KCTD3: variants seen among roughly 807,000 people sequenced by gnomAD.
KCTD3 encodes the protein potassium channel tetramerization domain containing 3, also known as BTB/POZ domain-containing protein KCTD3.
A neutral mutation model predicts 85.8 loss-of-function variants in KCTD3; 41 were observed. The observed-to-expected ratio is 0.48, with a 90% CI of 0.37 to 0.62. The LOEUF is 0.62. Among genes scored for constraint, KCTD3 ranks in the 20% least tolerant of loss-of-function variants. The pLI is 0.00. For synonymous variants in KCTD3, 338 were observed against 345.4 expected, an observed-to-expected ratio of 0.98 and a Z score of 0.24; for missense variants, 724 against 989.9, an observed-to-expected ratio of 0.73 and a Z score of 3.60.
chr1:215,615,082 A>G (rs900886224), intron 15 of KCTD3, among the ~76,000 whole-genome samples: 1 of 152,208 alleles, frequency 6.6e-6, no homozygotes, highest in Non-Finnish European at 1.5e-5. Flanking sequence ...TCTGCATAAT[A>G]AAACAAATTT....
At chr1:215,580,737 A>G (rs1338404021) in intron 8 of KCTD3, among the ~76,000 whole-genome samples, 3 of 152,146 alleles carry the variant, frequency 2.0e-5, no homozygotes, top group African/African-American at 4.8e-5. Context: ...TACATAAACT[A>G]TTTGTTTATC....
In KCTD3 at chr1:215,573,771, G is replaced by A. The variant is rs1659462422; in HGVS notation, c.84-15G>A. ...CATGTTCTCACTTATAATACCAGATGATTTTTAATTGCAGATTTAGTACCT... is the reference window on the plus strand; with the variant it reads ...CATGTTCTCACTTATAATACCAGATAATTTTTAATTGCAGATTTAGTACCT... On this transcript the variant is annotated splice_polypyrimidine_tract_variant and intron_variant, in intron 1 of 17. Coordinates refer to ENST00000259154, the MANE Select transcript of KCTD3 (RefSeq NM_016121.5). The A allele has an allele frequency of 6.6e-7, 1 of 1,515,114 alleles. No homozygotes were observed. Among genetic ancestry groups the A allele is most frequent in the Non-Finnish European group, 9.0e-7 (1 of 1,105,428 alleles). 93.9% of individuals were successfully genotyped at this position (1,515,114 alleles called of 1,614,324 possible). A position where few individuals can be genotyped will look rare whatever the true frequency, so the allele number is the denominator to read the frequency against.
chr1:215,605,402 C>T (rs59417960), intron 13 of KCTD3, among the ~76,000 whole-genome samples: 3,858 of 152,216 alleles, frequency 0.025, 156 homozygotes, highest in African/African-American at 0.087. Flanking sequence ...CCCTGCCCCA[C>T]TGAGGAGTTT....
intron 10 of KCTD3, among the ~76,000 whole-genome samples, chr1:215,600,114 G>A (rs1173676993): frequency 6.6e-6 from 1 of 152,052 alleles, no homozygotes; most frequent in African/African-American, 2.4e-5. Context: ...TCACTGAAAA[G>A]TACTCAATGT....
chr1:215,596,319 G>C (rs1660415316), intron 10 of KCTD3, among the ~76,000 whole-genome samples: 1 of 152,070 alleles, frequency 6.6e-6, no homozygotes, highest in African/African-American at 2.4e-5. Context: ...CCCTATGGTT[G>C]TTCAAGTGTA....
At chr1:215,599,885 T>C (rs1279292390) in intron 10 of KCTD3, among the ~76,000 whole-genome samples, 1 of 150,392 alleles carries the variant, frequency 6.6e-6, no homozygotes, top group African/African-American at 2.5e-5. Context: ...CCTGCTGCTC[T>C]TTCATTGAAA....
intron 9 of KCTD3, among the ~76,000 whole-genome samples, chr1:215,594,389 G>T (rs968689970): frequency 1.3e-5 from 2 of 152,148 alleles, no homozygotes; most frequent in Non-Finnish European, 2.9e-5. Flanking sequence ...GCATTGCTGG[G>T]TCTTTTGCTA....
chr1:215,609,548 A>G (rs186772760), intron 14 of KCTD3, among the ~76,000 whole-genome samples: 12 of 152,022 alleles, frequency 7.9e-5, no homozygotes, highest in African/African-American at 2.6e-4. Context: ...GATATATATA[A>G]TTCATCTTTC....
chr1:215,573,494 T>C (rs1300756691), intron 1 of KCTD3, among the ~76,000 whole-genome samples: 2 of 152,292 alleles, frequency 1.3e-5, no homozygotes, highest in East Asian at 3.9e-4. Context: ...CTTGGTGTGA[T>C]GGGCTAATTG....
intron 14 of KCTD3, among the ~76,000 whole-genome samples, chr1:215,610,615 T>C (rs57397989): frequency 0.033 from 5,062 of 152,054 alleles, 200 homozygotes; most frequent in African/African-American, 0.094. Flanking sequence ...TGAATGAGGA[T>C]TGTCATTTCA....
chr1:215,619,289 T>A lies in KCTD3; in HGVS notation c.1884T>A (p.Ser628=), dbSNP rs763522580. Reference sequence around the variant, plus strand: ...ATAGCCACTTACGAGAATCAAATTCTAGGTAGGTTAAAGAGTTGGGTATTA... The same window carrying A: ...ATAGCCACTTACGAGAATCAAATTCAAGGTAGGTTAAAGAGTTGGGTATTA... ...VQHSHLRESN[S]SLQLQHHDTT... The change falls in exon 17 of 18, where the codon TCT becomes TCA. Residue 628 remains serine, a splice_region_variant and synonymous_variant. Coordinates refer to ENST00000259154, the MANE Select transcript of KCTD3 (RefSeq NM_016121.5). 6.9e-5 allele frequency: 112 copies of A among 1,611,952 alleles called. No individual in the cohort carries two copies. The highest frequency in any genetic ancestry group is 9.2e-5 in the Non-Finnish European group (109 of 1,178,954).
chr1:215,619,433 C>T, intron 17 of KCTD3, 142 bp downstream of exon 17: 1 of 702,150 alleles, frequency 1.4e-6, no homozygotes, highest in Non-Finnish European at 2.2e-6. Context: ...AACTTTTTAA[C>T]AGTTTTACCA....
intron 15 of KCTD3, chr1:215,618,625 A>G (rs111382480): frequency 0.013 from 4,063 of 305,784 alleles, 139 homozygotes; most frequent in African/African-American, 0.078. Flanking sequence ...TTTTATGAAA[A>G]TCAACTAAAA....
chr1:215,607,356 T>C (rs1205060682), intron 13 of KCTD3, among the ~76,000 whole-genome samples: 2 of 151,894 alleles, frequency 1.3e-5, no homozygotes, highest in Non-Finnish European at 2.9e-5. Context: ...TATTTTCAAA[T>C]AGAGTATCTA....
intron 1 of KCTD3, among the ~76,000 whole-genome samples, chr1:215,569,412 C>T (rs995535065): frequency 6.6e-6 from 1 of 152,040 alleles, no homozygotes; most frequent in Non-Finnish European, 1.5e-5. Flanking sequence ...AGCCACCGCG[C>T]CTGGCCGATA....
At position 215,586,530 on chromosome 1, in the gene KCTD3, C is replaced by CGA; in HGVS notation, c.664_665dup (p.Ser222ArgfsTer12). ...TCTTCAGGATGGCAGCAAGTGTTTA[C>CGA]GAGCCCATATTTGGATTGGACTATC... On this transcript the variant is annotated frameshift_variant, in exon 9 of 18. Coordinates refer to ENST00000259154, the MANE Select transcript of KCTD3 (RefSeq NM_016121.5). LOFTEE classifies it high-confidence loss of function. The CGA allele has an allele frequency of 3.7e-6, 6 of 1,613,654 alleles. No individual in the cohort carries two copies. The highest frequency in any genetic ancestry group is 5.1e-6 in the Non-Finnish European group (6 of 1,179,826).
chr1:215,609,012 C>A (rs113532245), intron 14 of KCTD3, among the ~76,000 whole-genome samples: 57 of 152,058 alleles, frequency 3.7e-4, no homozygotes, highest in African/African-American at 1.3e-3. Flanking sequence ...CATCAACTTA[C>A]AATGTAGTGA....
chr1:215,575,540 T>C (rs1659538771), intron 3 of KCTD3, among the ~76,000 whole-genome samples: 1 of 152,228 alleles, frequency 6.6e-6, no homozygotes, highest in Non-Finnish European at 1.5e-5. Flanking sequence ...TATTTATTCA[T>C]GTTTTCGAAG....
intron 12 of KCTD3, among the ~76,000 whole-genome samples, chr1:215,603,004 A>T (rs1359302946): frequency 6.6e-6 from 1 of 152,202 alleles, no homozygotes; most frequent in Non-Finnish European, 1.5e-5. Flanking sequence ...GCTCTTTTTG[A>T]TACCACTGTC....
Sources: gnomAD v4.1 joint callset for allele counts (sites outside exome capture counted in the v4.1 genomes callset) on GRCh38, gnomAD v4.1.1 for gene constraint, MANE v1.5 for transcripts, NCBI Gene and HGNC (gene_info 2026-07-23, HGNC 2026-07-21) for gene names.